The following ATG5 variants were observed in gnomAD, a reference collection of about 807,000 sequenced individuals.
The protein encoded by ATG5 is autophagy protein 5.
Under a neutral mutation model 36.5 loss-of-function variants are expected in ATG5, and 14 were observed. The observed-to-expected ratio is 0.38, with a 90% CI of 0.25 to 0.60. The LOEUF (loss-of-function observed/expected upper bound fraction) is 0.60, where lower values mean the gene tolerates loss of function less well. Among genes scored for constraint, ATG5 ranks in the 20% least tolerant of loss-of-function variants. The pLI is 0.60. For missense variants in ATG5, 195 were observed against 326.7 expected (o/e 0.60, Z 3.11); for synonymous variants, 95 against 101.5 (o/e 0.94, Z 0.38).
chr6:106,322,317 C>T (rs2114692395), intron 1 of ATG5, among the ~76,000 whole-genome samples: 1 of 152,284 alleles, frequency 6.6e-6, no homozygotes, highest in East Asian at 1.9e-4. Flanking sequence ...GAAAAACTAA[C>T]CTACTACCTG....
chr6:106,216,878 C>G (rs551815723), intron 6 of ATG5, among the ~76,000 whole-genome samples: 1 of 151,912 alleles, frequency 6.6e-6, no homozygotes. Context: ...CAACACAGAC[C>G]ATGTCTCTAA....
intron 6 of ATG5, among the ~76,000 whole-genome samples, chr6:106,242,956 T>C (rs1438521844): frequency 2.0e-5 from 3 of 152,238 alleles, no homozygotes; most frequent in Non-Finnish European, 4.4e-5. Context: ...ATTTGCCACA[T>C]ATTTCTACTG....
At chr6:106,284,900 T>G (rs1419504414) in intron 4 of ATG5, among the ~76,000 whole-genome samples, 34 of 152,188 alleles carry the variant, frequency 2.2e-4, no homozygotes, top group Admixed American at 2.2e-3. Context: ...TAAACTGTTA[T>G]TAGATAGTAT....
chr6:106,231,076 C>A (rs1252696628), intron 6 of ATG5, among the ~76,000 whole-genome samples: 2 of 151,700 alleles, frequency 1.3e-5, no homozygotes, highest in African/African-American at 2.4e-5. Flanking sequence ...AAGGGGTAAA[C>A]AACTAACCAA....
chr6:106,257,268 A>G (rs1430354080), intron 5 of ATG5, among the ~76,000 whole-genome samples: 1 of 152,210 alleles, frequency 6.6e-6, no homozygotes, highest in Non-Finnish European at 1.5e-5. Context: ...ACTTTTTCTA[A>G]TAAGTAGAAG....
intron 6 of ATG5, among the ~76,000 whole-genome samples, chr6:106,214,778 G>A (rs1427204581): frequency 6.6e-6 from 1 of 151,948 alleles, no homozygotes; most frequent in African/African-American, 2.4e-5. Flanking sequence ...CCCTTTCTTG[G>A]GATCGAGATC....
At chr6:106,207,210 C>T (rs188764193) in intron 6 of ATG5, among the ~76,000 whole-genome samples, 1 of 152,286 alleles carries the variant, frequency 6.6e-6, no homozygotes, top group Admixed American at 6.5e-5. Flanking sequence ...TGGCTGGCTG[C>T]TCCCATCTCT....
chr6:106,316,798 T>C (rs1770870335), intron 1 of ATG5, among the ~76,000 whole-genome samples: 2 of 152,162 alleles, frequency 1.3e-5, no homozygotes, highest in South Asian at 4.1e-4. Flanking sequence ...CCATTCTAAA[T>C]TTCATCCTCT....
intron 2 of ATG5, among the ~76,000 whole-genome samples, chr6:106,310,268 TA>T (rs762976942): frequency 2.0e-5 from 3 of 152,146 alleles, no homozygotes; most frequent in Non-Finnish European, 4.4e-5. Flanking sequence ...TACTCATTTT[TA>T]AGGCAGAATC....
intron 3 of ATG5, among the ~76,000 whole-genome samples, chr6:106,302,710 G>T (rs1392426391): frequency 6.6e-6 from 1 of 151,568 alleles, no homozygotes; most frequent in Non-Finnish European, 1.5e-5. Flanking sequence ...TACTACAATA[G>T]AATCAAACTA....
At chr6:106,232,496 T>G (rs1777731795) in intron 6 of ATG5, among the ~76,000 whole-genome samples, 1 of 152,112 alleles carries the variant, frequency 6.6e-6, no homozygotes, top group Non-Finnish European at 1.5e-5. Flanking sequence ...TCTTGAAGAC[T>G]GGGCAACAGA....
intron 5 of ATG5, among the ~76,000 whole-genome samples, chr6:106,270,820 T>C (rs908344046): frequency 1.3e-5 from 2 of 152,186 alleles, no homozygotes; most frequent in African/African-American, 4.8e-5. Flanking sequence ...CCACTCTCCA[T>C]GCAGCTGCCC....
chr6:106,286,807 A>G (rs983923211), intron 4 of ATG5, among the ~76,000 whole-genome samples: 1 of 152,206 alleles, frequency 6.6e-6, no homozygotes, highest in African/African-American at 2.4e-5. Context: ...CTGACAGCCA[A>G]CAAGAAGATA....
chr6:106,300,325 T>C (rs1052471499), intron 3 of ATG5, among the ~76,000 whole-genome samples: 1 of 152,292 alleles, frequency 6.6e-6, no homozygotes, highest in Non-Finnish European at 1.5e-5. Context: ...AGACTGGAAA[T>C]AAGACAGAAG....
chr6:106,199,113 C>T (rs943066218), intron 7 of ATG5, among the ~76,000 whole-genome samples: 6 of 152,260 alleles, frequency 3.9e-5, no homozygotes, highest in African/African-American at 9.6e-5. Context: ...CCTTATACAC[C>T]GCTGGTGAGA....
At chr6:106,261,652 T>C (rs1255145739) in intron 5 of ATG5, among the ~76,000 whole-genome samples, 2 of 152,222 alleles carry the variant, frequency 1.3e-5, no homozygotes, top group African/African-American at 4.8e-5. Flanking sequence ...GTTTTACCTA[T>C]TAACTCCACA....
At chr6:106,236,184 A>C (rs1777897580) in intron 6 of ATG5, among the ~76,000 whole-genome samples, 1 of 152,204 alleles carries the variant, frequency 6.6e-6, no homozygotes, top group African/African-American at 2.4e-5. Context: ...TATTCCTTTT[A>C]ATCCTGAATA....
At chr6:106,291,810 G>A (rs1780318240) in intron 4 of ATG5, among the ~76,000 whole-genome samples, 1 of 152,222 alleles carries the variant, frequency 6.6e-6, no homozygotes. Flanking sequence ...CATGGTAAAT[G>A]AAATTCATGC....
chr6:106,186,720 T>C (rs1368875421), intron 7 of ATG5, 44 bp from the exon 8 acceptor site: 5 of 1,597,784 alleles, frequency 3.1e-6, no homozygotes, highest in Non-Finnish European at 4.3e-6. Flanking sequence ...GTCAAAACAG[T>C]TGAAGAAAAA....
Sources: allele counts gnomAD v4.1 joint callset (sites outside exome capture counted in the v4.1 genomes callset), GRCh38; gene constraint gnomAD v4.1.1; transcripts MANE v1.5; gene names NCBI Gene and HGNC (gene_info 2026-07-23, HGNC 2026-07-21).